FIBCD1: variants seen among roughly 807,000 people sequenced by gnomAD.
FIBCD1 encodes the protein fibrinogen C domain-containing protein 1.
In FIBCD1, 47 loss-of-function variants were observed where a neutral mutation model predicts 45.1. The observed-to-expected ratio is 1.04, with a 90% CI of 0.82 to 1.33. The LOEUF (loss-of-function observed/expected upper bound fraction) is 1.33, where lower values mean the gene tolerates loss of function less well. Among genes scored for constraint, FIBCD1 ranks in the 40% most tolerant of loss-of-function variants. The probability of loss-of-function intolerance (pLI) is 0.00; values close to 1 mark genes in which losing one functional copy is unlikely to be tolerated. For synonymous variants in FIBCD1, 313 were observed against 308.1 expected (o/e 1.02, Z -0.17); for missense variants, 653 against 682.2 (o/e 0.96, Z 0.48).
upstream of FIBCD1, among the ~76,000 whole-genome samples, chr9:130,940,680 A>T (rs148578755): frequency 8.9e-3 from 1,352 of 152,342 alleles, 10 homozygotes; most frequent in Admixed American, 0.015. Context: ...GCATCACAGC[A>T]CCTGAGCAGG....
chr9:130,929,704 T>G lies in FIBCD1; in HGVS notation c.415A>C (p.Thr139Pro), dbSNP rs771077387. 1.9e-6 allele frequency: 3 copies of G among 1,602,666 alleles called. No individual in the cohort carries two copies. In the African/African-American group the frequency reaches 4.0e-5, roughly 21 times the overall value. The change falls in exon 2 of 7, where the codon ACG becomes CCG. Residue 139 changes from threonine (T) to proline (P), a missense_variant. Physicochemically the swap from Thr to Pro is conservative, Grantham distance 38. Coordinates refer to ENST00000372338, the MANE Select transcript of FIBCD1 (RefSeq NM_032843.5). ...AGCCGGGGCAGCTGGTCGGCCAGCG[T>G]GTCCAGCAGCTCCTGCTCCTGGTCG... ...VGDQEQELLD[T>P]LADQLPRLLA...
intron 1 of FIBCD1, among the ~76,000 whole-genome samples, chr9:130,934,213 G>C (rs1238165221): frequency 1.3e-5 from 2 of 152,166 alleles, no homozygotes; most frequent in Non-Finnish European, 2.9e-5. Flanking sequence ...CACATGGCTG[G>C]GCACATGGCT....
At chr9:130,904,399 C>T (rs1831889684) in intron 6 of FIBCD1, 76 bp from the exon 7 acceptor site, 9 of 1,519,574 alleles carry the variant, frequency 5.9e-6, no homozygotes, top group Non-Finnish European at 6.2e-6. Flanking sequence ...TGAGCAGACA[C>T]CGAGACACTG....
At chr9:130,914,634 T>A (rs1832124607) in intron 4 of FIBCD1, among the ~76,000 whole-genome samples, 1 of 152,120 alleles carries the variant, frequency 6.6e-6, no homozygotes, top group African/African-American at 2.4e-5. Flanking sequence ...TCCTAAAGGC[T>A]CAGAGGAACC....
At chr9:130,933,996 CA>C in intron 1 of FIBCD1, 1 of 152,508 alleles carries the variant, frequency 6.6e-6, no homozygotes, top group Non-Finnish European at 1.5e-5. Flanking sequence ...TTCTGCATGA[CA>C]AAAACACATC....
In FIBCD1 at chr9:130,903,203, C is replaced by T. The variant is rs1337260106; in HGVS notation, c.*861G>A. 1 of 152,772 alleles carries T rather than the reference C, an allele frequency of 6.5e-6. No homozygotes were observed. Among genetic ancestry groups the T allele is most frequent in the African/African-American group, 2.4e-5 (1 of 41,448 alleles). The allele number at this position is 152,772 out of a possible 1,614,324, so 9.5% of individuals were successfully genotyped here. A position where few individuals can be genotyped will look rare whatever the true frequency, so the allele number is the denominator to read the frequency against. On this transcript the variant is annotated 3_prime_UTR_variant, in exon 7 of 7. Coordinates refer to ENST00000372338, the MANE Select transcript of FIBCD1 (RefSeq NM_032843.5). The stretch of plus-strand genomic sequence containing the variant: ...CCCAGCCCAGAAAACCAAGAGCTTC[C>T]CATTAGCGCAGTCCAGCCCCACGGT...
At chr9:130,936,389 TGGCACAGGGA>T (rs1832520789) in intron 1 of FIBCD1, 1 of 151,744 alleles carries the variant, frequency 6.6e-6, no homozygotes, top group Non-Finnish European at 1.5e-5. Flanking sequence ...AGCCCAGAGC[TGGCACAGGGA>T]ACAGCCTGTC....
intron 4 of FIBCD1, among the ~76,000 whole-genome samples, chr9:130,915,624 A>G (rs1274188903): frequency 6.6e-6 from 1 of 152,046 alleles, no homozygotes; most frequent in Non-Finnish European, 1.5e-5. Flanking sequence ...AATCACTTGA[A>G]CCCAGGAGGC....
intron 4 of FIBCD1, among the ~76,000 whole-genome samples, chr9:130,913,124 G>A (rs1439259208): frequency 6.6e-6 from 1 of 152,176 alleles, no homozygotes; most frequent in African/African-American, 2.4e-5. Flanking sequence ...AATCCCATCG[G>A]TTAAATTGCT....
intron 2 of FIBCD1, among the ~76,000 whole-genome samples, chr9:130,928,400 C>G (rs1471278188): frequency 6.6e-6 from 1 of 152,096 alleles, no homozygotes; most frequent in Non-Finnish European, 1.5e-5. Flanking sequence ...CCAGGTCAGC[C>G]AGAAAGTCAG....
intron 4 of FIBCD1, among the ~76,000 whole-genome samples, chr9:130,914,836 C>T (rs1006995861): frequency 2.0e-5 from 3 of 152,220 alleles, no homozygotes; most frequent in Non-Finnish European, 2.9e-5. Context: ...CCTGCCCCTG[C>T]GTCCCAGCTG....
rs538524393 is a variant in FIBCD1 at position 130,911,494 on chromosome 9, G to GA, written c.946+297_946+298insT. Among the ~76,000 whole-genome samples the GA allele has an allele frequency of 9.2e-5, 14 of 152,336 alleles. No individual in the cohort carries two copies. The East Asian group carries it at 2.5e-3, about 27-fold the overall frequency. On this transcript the variant is annotated intron_variant, in intron 5 of 6. Transcript: ENST00000372338. ...CACCTGCCCAAGCTGGCTTGATTCA[G>GA]GACAGCCAGCAGGTCCCAGGGTGAC... is the stretch of plus-strand genomic sequence containing the variant.
At chr9:130,923,707 T>G (rs1832301392) in intron 4 of FIBCD1, 37 bp downstream of exon 4, 1 of 1,606,092 alleles carries the variant, frequency 6.2e-7, no homozygotes, top group African/African-American at 1.3e-5. Context: ...CGGTCCCCGG[T>G]GCCTGCCCTG....
chr9:130,906,919 G>C (rs1831938965), intron 5 of FIBCD1, among the ~76,000 whole-genome samples: 1 of 152,164 alleles, frequency 6.6e-6, no homozygotes, highest in Admixed American at 6.5e-5. Flanking sequence ...AAGGCCCCGG[G>C]GAAGGAGTGC....
At position 130,926,614 on chromosome 9, in the gene FIBCD1, G is replaced by GT. The variant is rs1459729483; in HGVS notation, c.553-2219dup. ...TTGGGTGGATCACCTAAGGTCAGGA[G>GT]TTTGAGACCAGCCTGGCCAACATGG... On this transcript the variant is annotated intron_variant, in intron 2 of 6. Transcript: ENST00000372338. This position sits in a 1 kb window ranked among gnomAD's most constrained non-coding sequence, Gnocchi z 4.1. Among the ~76,000 whole-genome samples, 6 of 152,318 alleles carry GT rather than the reference G, an allele frequency of 3.9e-5. No homozygotes were observed. The highest frequency in any genetic ancestry group is 1.3e-4 in the Admixed American group (2 of 15,300).
chr9:130,914,127 G>A (rs569468779), intron 4 of FIBCD1, among the ~76,000 whole-genome samples: 34 of 151,766 alleles, frequency 2.2e-4, no homozygotes, highest in Non-Finnish European at 4.7e-4. Context: ...TTCAGCAAGT[G>A]CCAGCTGGGT....
chr9:130,904,224 C>A lies in FIBCD1; in HGVS notation c.1226G>T (p.Trp409Leu), dbSNP rs1240957160. ...NNCAAFYRGA[W>L]WYRNCHTSNL... ...GGACGTGTGGCAGTTGCGGTACCAC[C>A]AGGCACCGCGGTAGAAGGCGGCACA... The change falls in exon 7 of 7, where the codon TGG (tryptophan) becomes TTG (leucine). Residue 409 changes from tryptophan to leucine, a missense_variant. By Grantham distance (61) the Trp-to-Leu change is moderately conservative. Transcript: ENST00000372338. The A allele has an allele frequency of 1.2e-6, 2 of 1,613,806 alleles. No homozygotes were observed. Among genetic ancestry groups the A allele is most frequent in the Admixed American group, 1.7e-5 (1 of 60,034 alleles).
Position 130,924,303 on chromosome 9 carries a change from G to T in FIBCD1, c.646C>A (p.Pro216Thr). 6.2e-7 allele frequency: 1 copy of T among 1,604,148 alleles called. No homozygotes were observed. The part of the protein sequence containing the change: ...ALQRDRGLGR[P>T]RNKADLQRAP... ...CTCTGAAGGTCGGCCTTGTTGCGGG[G>T]CCGGCCCAGCCCCCGGTCCCTCTGC... Residue 216 changes from proline (P) to threonine (T), a missense_variant, in exon 3 of 7, where the codon CCC (proline) becomes ACC (threonine). Coordinates refer to ENST00000372338, the MANE Select transcript of FIBCD1 (RefSeq NM_032843.5).
chr9:130,906,328 C>T (rs1265135591), intron 5 of FIBCD1, among the ~76,000 whole-genome samples: 1 of 152,162 alleles, frequency 6.6e-6, no homozygotes, highest in East Asian at 1.9e-4. Flanking sequence ...TTAGTAGCAG[C>T]GAGTGGTATT....
Sources: allele counts gnomAD v4.1 joint callset (sites outside exome capture counted in the v4.1 genomes callset), GRCh38; gene constraint gnomAD v4.1.1; non-coding constraint Gnocchi (gnomAD v3.1); transcripts MANE v1.5; gene names NCBI Gene and HGNC (gene_info 2026-07-23, HGNC 2026-07-21).